The following B3GAT1 variants were observed in gnomAD, a reference collection of about 807,000 sequenced individuals.
The protein encoded by B3GAT1 is beta-1,3-glucuronyltransferase 1, also known as galactosylgalactosylxylosylprotein 3-beta-glucuronosyltransferase 1.
B3GAT1 carries 11 observed loss-of-function variants against 28.4 expected under a neutral mutation model. The ratio of observed to expected loss-of-function variants is 0.39; its 90% confidence interval spans 0.24 to 0.64. The LOEUF (loss-of-function observed/expected upper bound fraction) is 0.64, where lower values mean the gene tolerates loss of function less well. B3GAT1 is among the 30% of genes least tolerant of loss of function. The pLI is 0.50. For missense variants in B3GAT1, 375 were observed against 491.0 expected, an observed-to-expected ratio of 0.76 and a Z score of 2.23; for synonymous variants, 255 against 223.1, an observed-to-expected ratio of 1.14 and a Z score of -1.27.
At chr11:134,394,183 G>A (rs1209753562) in intron 1 of B3GAT1, among the ~76,000 whole-genome samples, 1 of 152,192 alleles carries the variant, frequency 6.6e-6, no homozygotes, top group African/African-American at 2.4e-5. Flanking sequence ...CAGAGGGCTG[G>A]GGAGGGGCCC....
rs187427067 is a variant in B3GAT1 at position 134,398,038 on chromosome 11, C to T, written c.-281-10098G>A. Among the ~76,000 whole-genome samples, 720 of 152,286 alleles carry T rather than the reference C, an allele frequency of 4.7e-3. 6 individuals carry two copies. The highest frequency in any genetic ancestry group is 0.016 in the African/African-American group (677 of 41,554). ...CCTCCTCAATGCGTTGCTTGGAATT[C>T]GACTCAAGAAAACCCCTGGGGTTGA... On this transcript the variant is annotated intron_variant, in intron 1 of 5. Coordinates refer to ENST00000312527, the MANE Select transcript of B3GAT1 (RefSeq NM_054025.3).
intron 1 of B3GAT1, among the ~76,000 whole-genome samples, chr11:134,403,109 C>T (rs1270301882): frequency 2.0e-5 from 3 of 152,098 alleles, no homozygotes; most frequent in Non-Finnish European, 4.4e-5. Flanking sequence ...ACCTATCACA[C>T]AGTGAGCACC....
intron 4 of B3GAT1, 81 bp from the exon 5 acceptor site, chr11:134,382,105 G>A: frequency 8.8e-7 from 1 of 1,141,970 alleles, no homozygotes; most frequent in East Asian, 2.4e-5. Flanking sequence ...CCCACACTGT[G>A]TAAACATTTC....
intron 5 of B3GAT1, chr11:134,381,548 G>A: frequency 4.4e-6 from 1 of 226,326 alleles, no homozygotes; most frequent in East Asian, 1.1e-4. Context: ...CCTCACCATG[G>A]CCACGTGGTG....
At position 134,387,736 on chromosome 11, in the gene B3GAT1, C is replaced by A. The variant is rs1441602086; in HGVS notation, c.-77G>T. On this transcript the variant is annotated 5_prime_UTR_variant, in exon 2 of 6. Coordinates refer to ENST00000312527, the MANE Select transcript of B3GAT1 (RefSeq NM_054025.3). ...TCAGGAGAGGGGCGGCCACGGGCGG[C>A]GGCAGCACAGGGGAGAAAAGAACAG... 1.3e-6 allele frequency: 2 copies of A among 1,589,074 alleles called. No individual in the cohort carries two copies. The highest frequency in any genetic ancestry group is 1.3e-5 in the African/African-American group (1 of 74,402).
intron 2 of B3GAT1, 124 bp from the exon 3 acceptor site, chr11:134,384,312 C>A (rs1944223209): frequency 4.6e-6 from 6 of 1,292,194 alleles, no homozygotes; most frequent in Admixed American, 2.9e-5. Context: ...GCTGCTCAGA[C>A]CCCCGCCTTG....
intron 1 of B3GAT1, among the ~76,000 whole-genome samples, chr11:134,395,861 G>C (rs931945346): frequency 5.3e-5 from 8 of 152,192 alleles, no homozygotes; most frequent in African/African-American, 1.9e-4. Context: ...AGGAGTCCAG[G>C]GTCTCAGAAG....
chr11:134,409,072 G>A (rs1229722886), intron 1 of B3GAT1, among the ~76,000 whole-genome samples: 3 of 152,194 alleles, frequency 2.0e-5, no homozygotes, highest in Non-Finnish European at 2.9e-5. Flanking sequence ...AAAATAAATA[G>A]ATTAAATTAA....
intron 1 of B3GAT1, chr11:134,389,296 G>A (rs983432343): frequency 1.4e-4 from 22 of 152,270 alleles, no homozygotes; most frequent in African/African-American, 5.3e-4. Flanking sequence ...ACATCCTTGT[G>A]GAGCACCGCT....
intron 1 of B3GAT1, among the ~76,000 whole-genome samples, chr11:134,409,185 T>C (rs1944800889): frequency 6.6e-6 from 1 of 152,222 alleles, no homozygotes; most frequent in Non-Finnish European, 1.5e-5. Flanking sequence ...TTTCAAAGTC[T>C]ACTCGGCTAG....
At chr11:134,406,017 C>G (rs1289047665) in intron 1 of B3GAT1, among the ~76,000 whole-genome samples, 4 of 152,250 alleles carry the variant, frequency 2.6e-5, no homozygotes, top group African/African-American at 9.6e-5. Context: ...CCCTGTCCCT[C>G]CTGTCTTAGA....
At chr11:134,410,597 G>A (rs1336417432) in intron 1 of B3GAT1, among the ~76,000 whole-genome samples, 1 of 152,186 alleles carries the variant, frequency 6.6e-6, no homozygotes, top group Non-Finnish European at 1.5e-5. Flanking sequence ...GCCATTAATG[G>A]TCACCAACTG....
At chr11:134,381,823 C>G (rs1467633548) in intron 5 of B3GAT1, 101 bp downstream of exon 5, 5 of 964,370 alleles carry the variant, frequency 5.2e-6, no homozygotes, top group Non-Finnish European at 8.1e-6. Flanking sequence ...CTGCCCTGTC[C>G]TCCACAGTGA....
chr11:134,394,102 G>C (rs1296157828), intron 1 of B3GAT1, among the ~76,000 whole-genome samples: 1 of 152,172 alleles, frequency 6.6e-6, no homozygotes, highest in East Asian at 1.9e-4. Flanking sequence ...CAGGACACAG[G>C]CACTGACCTC....
intron 4 of B3GAT1, 90 bp downstream of exon 4, chr11:134,382,620 G>A (rs1944159420): frequency 6.8e-7 from 1 of 1,460,696 alleles, no homozygotes; most frequent in Admixed American, 2.1e-5. Context: ...GCTATTTTGA[G>A]GCCTCTGTTT....
intron 1 of B3GAT1, among the ~76,000 whole-genome samples, chr11:134,405,181 G>A (rs1479532961): frequency 6.6e-6 from 1 of 152,046 alleles, no homozygotes; most frequent in Non-Finnish European, 1.5e-5. Flanking sequence ...TGCCTCAGAG[G>A]GACCCAGCAC....
chr11:134,394,597 C>G (rs78212286), intron 1 of B3GAT1, among the ~76,000 whole-genome samples: 25 of 152,316 alleles, frequency 1.6e-4, no homozygotes, highest in East Asian at 1.9e-4. Context: ...GCTCTCCCCC[C>G]ACCCTGCCCT....
chr11:134,404,002 TATATATATATATATATATATATATA>T (rs1944675273), intron 1 of B3GAT1, among the ~76,000 whole-genome samples: 1 of 86,978 alleles, frequency 1.1e-5, no homozygotes, highest in Non-Finnish European at 2.5e-5. Flanking sequence ...TATATATATA[TATATATATATATATATATATATATA>T]TATTTATTAT....
intron 2 of B3GAT1, 134 bp downstream of exon 2, chr11:134,387,414 C>T: frequency 8.4e-6 from 10 of 1,196,768 alleles, no homozygotes; most frequent in Non-Finnish European, 1.2e-5. Flanking sequence ...GTGCAAGACT[C>T]ATGAAGGGGC....
Sources: gnomAD v4.1 joint callset for allele counts (sites outside exome capture counted in the v4.1 genomes callset) on GRCh38, gnomAD v4.1.1 for gene constraint, MANE v1.5 for transcripts, NCBI Gene and HGNC (gene_info 2026-07-23, HGNC 2026-07-21) for gene names.